AKR1C8: variants seen among roughly 807,000 people sequenced by gnomAD.
AKR1C8 encodes aldo-keto reductase family 1 member C-like protein 1.
At chr10:5,146,097 A>G in the AKR1C8 span, among the ~76,000 whole-genome samples, 2 of 151,386 alleles carry the variant, frequency 1.3e-5, no homozygotes, top group Non-Finnish European at 2.9e-5. Context: ...CTATTGCAAG[A>G]ACAAAAAACC....
the AKR1C8 span, among the ~76,000 whole-genome samples, chr10:5,147,713 T>C: frequency 1.2e-3 from 183 of 152,284 alleles, no homozygotes; most frequent in Non-Finnish European, 2.2e-3. Context: ...CAGCCCTGTC[T>C]CCATGGCTTT....
At chr10:5,159,907 G>C in the AKR1C8 span, 1 of 521,242 alleles carries the variant, frequency 1.9e-6, no homozygotes, top group African/African-American at 1.9e-5. Context: ...GCTTGTACTT[G>C]AGCCCTGGCT....
chr10:5,119,109 C>A, the AKR1C8 span, among the ~76,000 whole-genome samples: 1 of 152,152 alleles, frequency 6.6e-6, no homozygotes, highest in African/African-American at 2.4e-5. Context: ...CTCTACCAGA[C>A]TATAAACTCA....
the AKR1C8 span, among the ~76,000 whole-genome samples, chr10:5,163,935 CCT>C: frequency 0.016 from 2,366 of 152,242 alleles, 61 homozygotes; most frequent in African/African-American, 0.054. Context: ...TAGAAATGCC[CCT>C]GTCCTTTGTG....
the AKR1C8 span, among the ~76,000 whole-genome samples, chr10:5,179,119 G>A: frequency 6.6e-6 from 1 of 152,154 alleles, no homozygotes; most frequent in Non-Finnish European, 1.5e-5. Context: ...GCTGGTACTG[G>A]TTGTTCCTTT....
At chr10:5,159,317 G>A in the AKR1C8 span, among the ~76,000 whole-genome samples, 5 of 152,290 alleles carry the variant, frequency 3.3e-5, no homozygotes, top group East Asian at 7.7e-4. Flanking sequence ...AGTGTGTCAC[G>A]TGGATCGATG....
the AKR1C8 span, among the ~76,000 whole-genome samples, chr10:5,118,120 C>T: frequency 6.6e-6 from 1 of 152,198 alleles, no homozygotes; most frequent in South Asian, 2.1e-4. Flanking sequence ...AAGGCAACTT[C>T]CTGCCAGTTA....
chr10:5,147,634 A>T, the AKR1C8 span, among the ~76,000 whole-genome samples: 1 of 152,020 alleles, frequency 6.6e-6, no homozygotes, highest in Non-Finnish European at 1.5e-5. Context: ...TTCCAAGATA[A>T]TTTCTGGTGA....
At chr10:5,159,422 C>G in the AKR1C8 span, among the ~76,000 whole-genome samples, 1 of 152,128 alleles carries the variant, frequency 6.6e-6, no homozygotes, top group African/African-American at 2.4e-5. Context: ...CCTGACACCA[C>G]CCTCTCCTGG....
At chr10:5,149,987 CAGAA>C in the AKR1C8 span, among the ~76,000 whole-genome samples, 1 of 152,010 alleles carries the variant, frequency 6.6e-6, no homozygotes, top group African/African-American at 2.4e-5. Flanking sequence ...AAAAACAAAA[CAGAA>C]AGAATCAGCA....
At chr10:5,173,194 T>C in the AKR1C8 span, among the ~76,000 whole-genome samples, 1 of 152,122 alleles carries the variant, frequency 6.6e-6, no homozygotes, top group Non-Finnish European at 1.5e-5. Flanking sequence ...AGAAAAGTAA[T>C]TCAGTTAACT....
the AKR1C8 span, among the ~76,000 whole-genome samples, chr10:5,150,320 G>T: frequency 1.3e-5 from 2 of 151,838 alleles, no homozygotes; most frequent in African/African-American, 2.4e-5. Context: ...AAAATTCTTA[G>T]GATAGCCATG....
the AKR1C8 span, chr10:5,123,569 C>A: frequency 1.4e-6 from 1 of 734,424 alleles, no homozygotes; most frequent in South Asian, 2.2e-5. Flanking sequence ...ACAGCAGCAG[C>A]ATCACCTGGG....
the AKR1C8 span, chr10:5,123,380 AT>A: frequency 3.1e-6 from 1 of 326,236 alleles, no homozygotes; most frequent in Non-Finnish European, 6.1e-6. Context: ...TCACTTGTGC[AT>A]TTTTGCCATG....
At chr10:5,180,816 C>T in the AKR1C8 span, among the ~76,000 whole-genome samples, 19 of 152,302 alleles carry the variant, frequency 1.2e-4, no homozygotes, top group African/African-American at 3.4e-4. Flanking sequence ...TCTCCTGGTG[C>T]GCTGTTTTTT....
At chr10:5,157,641 G>T in the AKR1C8 span, 1 of 471,816 alleles carries the variant, frequency 2.1e-6, no homozygotes, top group African/African-American at 2.0e-5. Flanking sequence ...TTACCTGGAA[G>T]TTCTCTTTGA....
the AKR1C8 span, among the ~76,000 whole-genome samples, chr10:5,177,245 T>C: frequency 5.9e-3 from 904 of 152,120 alleles, 6 homozygotes; most frequent in African/African-American, 0.02. Context: ...TCATGTGGTT[T>C]TTGTCTTTGG....
chr10:5,155,702 C>A, the AKR1C8 span: 1 of 475,106 alleles, frequency 2.1e-6, no homozygotes, highest in Non-Finnish European at 4.4e-6. Flanking sequence ...TCGGAGATTT[C>A]TGTTGAGGCC....
At chr10:5,160,813 T>C in the AKR1C8 span, 1 of 470,998 alleles carries the variant, frequency 2.1e-6, no homozygotes, top group South Asian at 1.5e-5. Context: ...AGAACATACC[T>C]CCCAAGTGTC....
Sources: allele counts gnomAD v4.1 joint callset (sites outside exome capture counted in the v4.1 genomes callset), GRCh38; gene constraint gnomAD v4.1.1; transcripts MANE v1.5; gene names NCBI Gene and HGNC (gene_info 2026-07-23, HGNC 2026-07-21).